The following SLCO3A1 variants were observed in gnomAD, a reference collection of about 807,000 sequenced individuals.
The protein encoded by SLCO3A1 is PGE1 transporter.
A neutral mutation model predicts 63.1 loss-of-function variants in SLCO3A1; 27 were observed. The observed-to-expected ratio is 0.43, with a 90% CI of 0.32 to 0.59. SLCO3A1 has a LOEUF of 0.59. Among genes scored for constraint, SLCO3A1 ranks in the 20% least tolerant of loss-of-function variants. The pLI, the probability that SLCO3A1 is intolerant of heterozygous loss-of-function variation, is 0.09. For synonymous variants in SLCO3A1, 473 were observed against 409.9 expected, an observed-to-expected ratio of 1.15 and a Z score of -1.86; for missense variants, 773 against 945.8, an observed-to-expected ratio of 0.82 and a Z score of 2.40.
chr15:91,894,706 C>T lies in SLCO3A1; in HGVS notation c.181-21287C>T, dbSNP rs917458653. Among the ~76,000 whole-genome samples, 4 of 152,146 alleles carry T rather than the reference C, an allele frequency of 2.6e-5. No individual in the cohort carries two copies. Among genetic ancestry groups the T allele is most frequent in the African/African-American group, 4.8e-5 (2 of 41,424 alleles). ...AGAATTTGACTCTGTGGGTCTGGGG[C>T]AGGGTCTGAGATTTTTGAATTTCTA... On this transcript the variant is annotated intron_variant, in intron 1 of 9. Coordinates refer to ENST00000318445, the MANE Select transcript of SLCO3A1 (RefSeq NM_013272.4). The surrounding 1 kb of genome is among the most constrained non-coding windows in gnomAD (Gnocchi z 4.8).
chr15:92,141,419 A>G (rs1012005905), intron 7 of SLCO3A1, among the ~76,000 whole-genome samples: 2 of 152,176 alleles, frequency 1.3e-5, no homozygotes, highest in Non-Finnish European at 2.9e-5. Context: ...GTCAGTTCCA[A>G]GATACACCTG....
At chr15:92,034,749 G>C (rs977152909) in intron 2 of SLCO3A1, among the ~76,000 whole-genome samples, 4 of 151,894 alleles carry the variant, frequency 2.6e-5, no homozygotes, top group Non-Finnish European at 4.4e-5. Flanking sequence ...GGAAGGCCTC[G>C]TTCCCATGTC....
At position 91,916,499 on chromosome 15, in the gene SLCO3A1, T is replaced by G. The variant is rs1464349220; in HGVS notation, c.646+41T>G. 2 of 1,442,068 alleles carry G rather than the reference T, an allele frequency of 1.4e-6. No homozygotes were observed. Among genetic ancestry groups the G allele is most frequent in the Non-Finnish European group, 1.9e-6 (2 of 1,061,064 alleles). The allele number at this position is 1,442,068 out of a possible 1,614,324, so 89.3% of individuals were successfully genotyped here. ...GCCGTATTAGCAAGAGACCAGGGTG[T>G]GTTGACCATGGATAAAAGGTGGCCT... On this transcript the variant is annotated intron_variant, in intron 2 of 9. Coordinates refer to ENST00000318445, the MANE Select transcript of SLCO3A1 (RefSeq NM_013272.4). The surrounding 1 kb of genome is among the most constrained non-coding windows in gnomAD (Gnocchi z 6.2).
At chr15:92,007,857 A>G (rs1472479853) in intron 2 of SLCO3A1, among the ~76,000 whole-genome samples, 2 of 152,198 alleles carry the variant, frequency 1.3e-5, no homozygotes, top group Admixed American at 6.5e-5. Context: ...AAGCTCTACT[A>G]GTTTATAGGG....
In SLCO3A1 at chr15:91,952,441, C is replaced by G. The variant is rs183312733; in HGVS notation, c.646+35983C>G. Among the ~76,000 whole-genome samples, 312 of 152,330 alleles carry G rather than the reference C, an allele frequency of 2.0e-3. 2 individuals carry two copies. The highest frequency in any genetic ancestry group is 7.3e-3 in the African/African-American group (304 of 41,564). On this transcript the variant is annotated intron_variant, in intron 2 of 9. Transcript: ENST00000318445. ...GCATCACCAGCACCTGGGTGAGCAC[C>G]TGGCATAAAGTAGGAACCGGTGATT...
At chr15:92,123,327 A>G (rs2047884938) in intron 5 of SLCO3A1, among the ~76,000 whole-genome samples, 1 of 152,114 alleles carries the variant, frequency 6.6e-6, no homozygotes, top group Admixed American at 6.5e-5. Context: ...GAATCGCTTG[A>G]ACCTGGGAGG....
At chr15:91,905,770 C>T (rs1279561105) in intron 1 of SLCO3A1, among the ~76,000 whole-genome samples, 1 of 152,068 alleles carries the variant, frequency 6.6e-6, no homozygotes, top group Non-Finnish European at 1.5e-5. Context: ...TCTCTTTGTT[C>T]AACCCAGAGT....
intron 4 of SLCO3A1, among the ~76,000 whole-genome samples, chr15:92,112,751 GAT>G (rs762576589): frequency 1.3e-5 from 2 of 152,306 alleles, no homozygotes; most frequent in Non-Finnish European, 2.9e-5. Context: ...ATTCATAAGT[GAT>G]ATCTTAGCGC....
intron 2 of SLCO3A1, among the ~76,000 whole-genome samples, chr15:92,089,348 T>TCTGACA (rs2047444397): frequency 6.6e-6 from 1 of 152,186 alleles, no homozygotes; most frequent in South Asian, 2.1e-4. Context: ...TTAAAGTTCA[T>TCTGACA]CTGACACTGC....
At chr15:91,971,266 G>T (rs1034987286) in intron 2 of SLCO3A1, among the ~76,000 whole-genome samples, 1 of 151,632 alleles carries the variant, frequency 6.6e-6, no homozygotes, top group African/African-American at 2.4e-5. Context: ...ATGGTGGCAG[G>T]TGCCTGTAGT....
At chr15:92,158,741 T>C (rs1315949065) in intron 9 of SLCO3A1, among the ~76,000 whole-genome samples, 1 of 152,208 alleles carries the variant, frequency 6.6e-6, no homozygotes. Flanking sequence ...AGTTCCAGAA[T>C]GGCAGAGGCC....
intron 2 of SLCO3A1, among the ~76,000 whole-genome samples, chr15:91,965,176 GA>G (rs2151424423): frequency 6.6e-6 from 1 of 152,220 alleles, no homozygotes; most frequent in African/African-American, 2.4e-5. Context: ...TAGAGAACAG[GA>G]GAATTGGAGA....
At chr15:92,000,605 G>GT (rs2046242462) in intron 2 of SLCO3A1, among the ~76,000 whole-genome samples, 1 of 152,090 alleles carries the variant, frequency 6.6e-6, no homozygotes, top group South Asian at 2.1e-4. Flanking sequence ...AAAGTTGAGA[G>GT]TTGATTATGC....
chr15:92,016,039 A>G (rs1156552682), intron 2 of SLCO3A1, among the ~76,000 whole-genome samples: 2 of 152,186 alleles, frequency 1.3e-5, no homozygotes, highest in African/African-American at 4.8e-5. Flanking sequence ...AGGGCACTCC[A>G]AGGAGGAGAT....
chr15:92,112,537 C>T (rs368885488), intron 4 of SLCO3A1, among the ~76,000 whole-genome samples: 1 of 152,182 alleles, frequency 6.6e-6, no homozygotes, highest in Non-Finnish European at 1.5e-5. Flanking sequence ...TGGATGTTTT[C>T]GAAGCCCCCT....
chr15:92,133,090 A>G (rs2283460), intron 7 of SLCO3A1, among the ~76,000 whole-genome samples: 30,154 of 144,948 alleles, frequency 0.21, 6,449 homozygotes, highest in South Asian at 0.53. Context: ...GCGCTGCCCT[A>G]TGCACTGTGT....
intron 2 of SLCO3A1, among the ~76,000 whole-genome samples, chr15:91,929,546 A>G (rs1170330928): frequency 6.6e-6 from 1 of 152,202 alleles, no homozygotes; most frequent in Non-Finnish European, 1.5e-5. Flanking sequence ...AAAGTTGTAA[A>G]TTTTGGTAAA....
At chr15:91,930,860 G>A (rs960068553) in intron 2 of SLCO3A1, among the ~76,000 whole-genome samples, 1 of 152,204 alleles carries the variant, frequency 6.6e-6, no homozygotes, top group African/African-American at 2.4e-5. Context: ...GATGCAAAGA[G>A]CTTGAGTAAA....
Position 91,872,226 on chromosome 15 carries a change from A to G in SLCO3A1, c.180+18138A>G, listed in dbSNP as rs1897298314. Among the ~76,000 whole-genome samples the G allele has an allele frequency of 6.6e-6, 1 of 152,150 alleles. No homozygotes were observed. Among genetic ancestry groups the G allele is most frequent in the African/African-American group, 2.4e-5 (1 of 41,448 alleles). On this transcript the variant is annotated intron_variant, in intron 1 of 9. Transcript: ENST00000318445. This position sits in a 1 kb window ranked among gnomAD's most constrained non-coding sequence, Gnocchi z 4.1. The stretch of plus-strand genomic sequence containing the variant: ...TTTTCCGTATAAGGAAATAGGGCTC[A>G]CTTCTAGAAGTTAAAGAATGTGCTG...
Sources: allele counts gnomAD v4.1 joint callset (sites outside exome capture counted in the v4.1 genomes callset), GRCh38; gene constraint gnomAD v4.1.1; non-coding constraint Gnocchi (gnomAD v3.1); transcripts MANE v1.5; gene names NCBI Gene and HGNC (gene_info 2026-07-23, HGNC 2026-07-21).